HGS: variants seen among roughly 807,000 people sequenced by gnomAD.
The protein encoded by HGS is human growth factor-regulated tyrosine kinase substrate.
HGS carries 63 observed loss-of-function variants against 109.7 expected under a neutral mutation model. The observed-to-expected ratio is 0.57, with a 90% confidence interval of 0.47 to 0.71. The LOEUF is 0.71. Among genes scored for constraint, HGS ranks in the 30% least tolerant of loss-of-function variants. HGS has a pLI of 0.00. For missense variants in HGS, 995 were observed against 1,068.3 expected, an observed-to-expected ratio of 0.93 and a Z score of 0.96; for synonymous variants, 546 against 437.3, an observed-to-expected ratio of 1.25 and a Z score of -3.10.
intron 1 of HGS, 33 bp downstream of exon 1, chr17:81,684,136 G>T: frequency 1.3e-6 from 2 of 1,527,716 alleles, no homozygotes; most frequent in Non-Finnish European, 1.8e-6. Context: ...CTCGGCCTTG[G>T]TCAGCCCGCA....
At chr17:81,696,163 A>ATGTCC in intron 15 of HGS, 164 bp downstream of exon 15, 1 of 768,730 alleles carries the variant, frequency 1.3e-6, no homozygotes, top group East Asian at 2.8e-5. Context: ...AGTGATGACC[A>ATGTCC]TGCCCTGCCC....
intron 17 of HGS, 32 bp from the exon 18 acceptor site, chr17:81,696,792 C>A: frequency 6.2e-7 from 1 of 1,602,278 alleles, no homozygotes; most frequent in Non-Finnish European, 8.5e-7. Context: ...GGGCTGAGGA[C>A]CAACTCTCAC....
Position 81,696,637 on chromosome 17 carries a change from A to C in HGS, c.1597A>C (p.Ile533Leu), listed in dbSNP as rs758356776. ...EYLEVQRQLA[I>L]QRLQEQEKER... The stretch of plus-strand genomic sequence containing the variant: ...CCTGGAGGTGCAGAGGCAGCTGGCC[A>C]TCCAGCGCCTGCAGGAGCAGGAGAA... Residue 533 changes from isoleucine (I) to leucine (L), a missense_variant, in exon 17 of 22, where the codon ATC becomes CTC. Physicochemically the swap from Ile to Leu is conservative, Grantham distance 5 (BLOSUM62 2). Around this residue, in one of 6 missense-constraint regions of HGS, gnomAD observed 163 missense variants for 217.8 expected, o/e 0.75. Transcript: ENST00000329138. The C allele has an allele frequency of 9.3e-6, 15 of 1,611,024 alleles. No homozygotes were observed. The African/African-American group carries it at 1.7e-4, about 19-fold the overall frequency.
chr17:81,691,490 C>G lies in HGS; in HGVS notation c.581C>G (p.Ser194Cys), dbSNP rs1381842654. 6.2e-7 allele frequency: 1 copy of G among 1,614,186 alleles called. No homozygotes were observed. The highest frequency in any genetic ancestry group is 8.5e-7 in the Non-Finnish European group (1 of 1,180,024). Residue 194 changes from serine to cysteine, a missense_variant, in exon 8 of 22, where the codon TCT becomes TGT. Physicochemically the swap from Ser to Cys is moderately radical, Grantham distance 112 (BLOSUM62 -1). Transcript: ENST00000329138. This position sits in a 1 kb window ranked among gnomAD's most constrained non-coding sequence, Gnocchi z 5.3. The part of the protein sequence containing the change: ...ACGQIFCGKC[S>C]SKYSTIPKFG... ...GGGCAGATATTCTGTGGAAAGTGTT[C>G]TTCCAAGTACTCCACCATCCCCAAG...
intron 6 of HGS, 165 bp downstream of exon 6, chr17:81,690,399 C>T: frequency 1.3e-6 from 1 of 759,620 alleles, no homozygotes; most frequent in Non-Finnish European, 2.2e-6. Context: ...GCTGTCTCTG[C>T]AGGGCGAGGT....
chr17:81,700,824 C>T lies in HGS; in HGVS notation c.2136+10C>T, dbSNP rs927472017. On this transcript the variant is annotated intron_variant, in intron 20 of 21. Transcript: ENST00000329138. ...GCCTTACAACATGCAGGTACAGTGACCTCCAGGCCCTGCTGGGGGCCAGGG... is the reference window on the plus strand; with the variant it reads ...GCCTTACAACATGCAGGTACAGTGATCTCCAGGCCCTGCTGGGGGCCAGGG... 1.0e-5 allele frequency: 16 copies of T among 1,606,466 alleles called. No homozygotes were observed. Among genetic ancestry groups the T allele is most frequent in the Non-Finnish European group, 1.1e-5 (13 of 1,175,742 alleles).
chr17:81,690,415 C>T (rs1485761393), intron 6 of HGS, 181 bp downstream of exon 6: 7 of 700,000 alleles, frequency 1.0e-5, no homozygotes, highest in East Asian at 8.1e-5. Context: ...GAGGTGGAGA[C>T]GTGGCTTGAG....
In HGS at chr17:81,686,323, C is replaced by T. The variant is rs1382392431; in HGVS notation, c.134C>T (p.Ala45Val). 1 of 1,613,410 alleles carries T rather than the reference C, an allele frequency of 6.2e-7. No individual in the cohort carries two copies. Among genetic ancestry groups the T allele is most frequent in the Non-Finnish European group, 8.5e-7 (1 of 1,179,768 alleles). Residue 45 changes from alanine (A) to valine (V), a missense_variant, in exon 3 of 22, where the codon GCT becomes GTT. By Grantham distance (64) the Ala-to-Val change is moderately conservative. This residue lies in a region of HGS where 182 missense variants were observed against 261.3 expected (regional missense o/e 0.70). Transcript: ENST00000329138. ...IRQGDTQAKYAVNSIKKKVND... is the reference protein window; with the variant it reads ...IRQGDTQAKYVVNSIKKKVND... ...TGTTTCCTTTTCAGAGCAAAATATGCTGTGAATTCCATCAAGAAGAAAGTC... is the reference window on the plus strand; with the variant it reads ...TGTTTCCTTTTCAGAGCAAAATATGTTGTGAATTCCATCAAGAAGAAAGTC...
At position 81,693,483 on chromosome 17, in the gene HGS, A is replaced by G; in HGVS notation, c.663-20A>G. On this transcript the variant is annotated intron_variant, in intron 8 of 21. Transcript: ENST00000329138. The stretch of plus-strand genomic sequence containing the variant: ...GCGGTGTCAGCGCATGGTGACCTGC[A>G]GCATTCCTTGTGCCCACAGGAAAGC... 4 of 1,602,084 alleles carry G rather than the reference A, an allele frequency of 2.5e-6. No individual in the cohort carries two copies. The highest frequency in any genetic ancestry group is 3.4e-6 in the Non-Finnish European group (4 of 1,170,412).
At chr17:81,687,980 C>T (rs2037006344) in intron 4 of HGS, among the ~76,000 whole-genome samples, 1 of 152,234 alleles carries the variant, frequency 6.6e-6, no homozygotes, top group African/African-American at 2.4e-5. Context: ...TCCTGAGCTC[C>T]TTCAGTCAGG....
chr17:81,701,897 G>A lies in HGS; in HGVS notation c.*279G>A, dbSNP rs779556455. The stretch of plus-strand genomic sequence containing the variant: ...CCCTGTGGGTCATGGTCTGTGAGAG[G>A]TGGCAGGAATGGGGACCCTCACCCC... On this transcript the variant is annotated 3_prime_UTR_variant, in exon 22 of 22. Transcript: ENST00000329138. 7.1e-5 allele frequency: 24 copies of A among 339,746 alleles called. No individual in the cohort carries two copies. Among genetic ancestry groups the A allele is most frequent in the Middle Eastern group, 7.2e-4 (1 of 1,398 alleles). 21.0% of individuals were successfully genotyped at this position (339,746 alleles called of 1,614,324 possible).
rs748791926 is a variant in HGS, at chr17:81,696,994, G to A, written c.1878G>A (p.Ala626=). 11 of 1,585,052 alleles carry A rather than the reference G, an allele frequency of 6.9e-6. No homozygotes were observed. Among genetic ancestry groups the A allele is most frequent in the East Asian group, 2.2e-5 (1 of 44,530 alleles). The change falls in exon 18 of 22, where the codon GCG becomes GCA. Residue 626 remains alanine (A), a synonymous_variant. Transcript: ENST00000329138. ...AGPYPSMPST[A]ADPSMVSAYM... The stretch of plus-strand genomic sequence containing the variant: ...CCTACCCCAGCATGCCCAGCACTGC[G>A]GCTGGTAAGGACGGGTCGGGGCAGA...
rs201570553 is a variant in HGS, at chr17:81,684,052, G to A, written c.-15G>A. The A allele has an allele frequency of 1.3e-5, 21 of 1,592,550 alleles. No individual in the cohort carries two copies. The highest frequency in any genetic ancestry group is 1.7e-5 in the Admixed American group (1 of 57,212). ...GGGGAGCGCCCGCGGCGTCGGGTTT[G>A]GGCTGGAGGTCGCCATGGGGCGAGG... On this transcript the variant is annotated 5_prime_UTR_variant, in exon 1 of 22. Transcript: ENST00000329138.
chr17:81,698,855 G>C (rs986961706), intron 18 of HGS, among the ~76,000 whole-genome samples: 5 of 152,198 alleles, frequency 3.3e-5, no homozygotes, highest in African/African-American at 9.6e-5. Flanking sequence ...GCTCACCTGA[G>C]GTCAGGAGTT....
At chr17:81,701,157 C>G in intron 21 of HGS, 26 bp downstream of exon 21, 1 of 1,593,414 alleles carries the variant, frequency 6.3e-7, no homozygotes, top group Non-Finnish European at 8.6e-7. Context: ...GGCCTCACAG[C>G]GGCACCCGCA....
intron 5 of HGS, 91 bp downstream of exon 5, chr17:81,688,918 A>G: frequency 6.5e-7 from 1 of 1,534,196 alleles, no homozygotes; most frequent in Admixed American, 1.7e-5. Context: ...GCCTGGGAAG[A>G]TGGGTTGTTC....
At chr17:81,684,274 G>C (rs949803388) in intron 1 of HGS, 171 bp downstream of exon 1, 6 of 514,008 alleles carry the variant, frequency 1.2e-5, no homozygotes, top group Non-Finnish European at 1.8e-5. Flanking sequence ...CCCTCGGCGC[G>C]GCCGTGGGGT....
chr17:81,695,151 C>A lies in HGS; in HGVS notation c.1120-13C>A, dbSNP rs776695565. 12 of 1,613,848 alleles carry A rather than the reference C, an allele frequency of 7.4e-6. No homozygotes were observed. In the African/African-American group the frequency reaches 1.6e-4, roughly 22 times the overall value. On this transcript the variant is annotated splice_polypyrimidine_tract_variant and intron_variant, in intron 13 of 21. Coordinates refer to ENST00000329138, the MANE Select transcript of HGS (RefSeq NM_004712.5). ...GGACAGGTTGGAGGCCCCACTCATT[C>A]TCTCTCTTCCAGAACCCCCTCCCGG...
At chr17:81,690,481 A>T in intron 6 of HGS, 193 bp from the exon 7 acceptor site, 1 of 636,776 alleles carries the variant, frequency 1.6e-6, no homozygotes, top group Non-Finnish European at 2.7e-6. Flanking sequence ...TTTGATGAGG[A>T]AGGAAGTCCC....
Sources: gnomAD v4.1 joint callset for allele counts (sites outside exome capture counted in the v4.1 genomes callset) on GRCh38, gnomAD v4.1.1 for gene constraint, gnomAD v4.1.1 regional missense constraint, Gnocchi (gnomAD v3.1) non-coding constraint, MANE v1.5 for transcripts, NCBI Gene and HGNC (gene_info 2026-07-23, HGNC 2026-07-21) for gene names.